Variants in PPM1H observed in about 807,000 individuals in gnomAD.
The protein encoded by PPM1H is protein phosphatase, Mg2+/Mn2+ dependent 1H.
A neutral mutation model predicts 54.9 loss-of-function variants in PPM1H; 27 were observed. The ratio of observed to expected loss-of-function variants is 0.49; its 90% CI spans 0.36 to 0.68. PPM1H has a LOEUF of 0.68. Among genes scored for constraint, PPM1H ranks in the 30% least tolerant of loss-of-function variants. The pLI, the probability that PPM1H is intolerant of heterozygous loss-of-function variation, is 0.00. For synonymous variants in PPM1H, 305 were observed against 270.8 expected, an observed-to-expected ratio of 1.13 and a Z score of -1.24; for missense variants, 596 against 667.8, an observed-to-expected ratio of 0.89 and a Z score of 1.19.
intron 4 of PPM1H, among the ~76,000 whole-genome samples, chr12:62,744,810 T>A (rs237827): frequency 0.05 from 7,544 of 151,966 alleles, 646 homozygotes; most frequent in African/African-American, 0.17. Context: ...AGCCTAGGAG[T>A]CTCCACTGAG....
intron 1 of PPM1H, among the ~76,000 whole-genome samples, chr12:62,931,534 AG>A (rs1287291287): frequency 3.3e-5 from 5 of 152,194 alleles, no homozygotes; most frequent in African/African-American, 1.2e-4. Context: ...ATTATCTGAC[AG>A]GGTTAAAGGT....
At chr12:62,663,829 T>C (rs1028849244) in intron 9 of PPM1H, among the ~76,000 whole-genome samples, 89 of 152,138 alleles carry the variant, frequency 5.8e-4, no homozygotes, top group Non-Finnish European at 9.0e-4. Context: ...CCATCTCTAC[T>C]AAAAATACAA....
chr12:62,656,465 G>A (rs768372023), intron 9 of PPM1H, among the ~76,000 whole-genome samples: 25 of 152,146 alleles, frequency 1.6e-4, no homozygotes, highest in South Asian at 4.1e-4. Context: ...AGTCATCTAC[G>A]TCTTATAGTC....
chr12:62,743,230 G>A lies in PPM1H; in HGVS notation c.870-5644C>T, dbSNP rs1279840232. ...TAGCTGGGTGTGGTGGCAGGCGCCT[G>A]TAGTCACAGCTACTTGGGAGGCTGA... On this transcript the variant is annotated intron_variant, in intron 4 of 9. Coordinates refer to ENST00000228705, the MANE Select transcript of PPM1H (RefSeq NM_020700.2). Among the ~76,000 whole-genome samples, 6 of 152,104 alleles carry A rather than the reference G, an allele frequency of 3.9e-5. No homozygotes were observed. In the East Asian group the frequency reaches 5.8e-4, roughly 15 times the overall value.
chr12:62,710,393 A>G (rs1473935589), intron 6 of PPM1H, among the ~76,000 whole-genome samples: 2 of 151,374 alleles, frequency 1.3e-5, no homozygotes, highest in Non-Finnish European at 2.9e-5. Flanking sequence ...TTAGCCCAGC[A>G]TGTTGGTGCA....
chr12:62,811,365 T>C (rs1361161585), intron 2 of PPM1H, among the ~76,000 whole-genome samples: 1 of 152,176 alleles, frequency 6.6e-6, no homozygotes, highest in African/African-American at 2.4e-5. Flanking sequence ...TACTATTAAA[T>C]AGCCTGGAGG....
At chr12:62,744,899 T>C (rs1041040370) in intron 4 of PPM1H, among the ~76,000 whole-genome samples, 10 of 152,202 alleles carry the variant, frequency 6.6e-5, no homozygotes, top group African/African-American at 2.4e-4. Flanking sequence ...GTCCACAAAA[T>C]GGCAAAGCCT....
intron 8 of PPM1H, among the ~76,000 whole-genome samples, chr12:62,668,982 C>T (rs1380297884): frequency 6.6e-6 from 1 of 152,226 alleles, no homozygotes; most frequent in Non-Finnish European, 1.5e-5. Context: ...AAGCAGCCAC[C>T]AGGCGCCAGG....
chr12:62,762,230 G>A (rs551895982), intron 4 of PPM1H, among the ~76,000 whole-genome samples: 138 of 152,318 alleles, frequency 9.1e-4, no homozygotes, highest in Non-Finnish European at 1.5e-3. Context: ...AGACCCTGTG[G>A]TGACCACACC....
At chr12:62,892,024 C>T (rs1003940372) in intron 1 of PPM1H, among the ~76,000 whole-genome samples, 2 of 152,200 alleles carry the variant, frequency 1.3e-5, no homozygotes, top group Non-Finnish European at 2.9e-5. Context: ...CTACAACTTT[C>T]AGCCACCACC....
chr12:62,833,717 G>A (rs1592624643), intron 1 of PPM1H, among the ~76,000 whole-genome samples: 2 of 152,164 alleles, frequency 1.3e-5, no homozygotes, highest in Non-Finnish European at 2.9e-5. Flanking sequence ...GAACTCTATG[G>A]AGGTGTTTCA....
At chr12:62,912,278 C>T (rs560882294) in intron 1 of PPM1H, among the ~76,000 whole-genome samples, 4 of 152,174 alleles carry the variant, frequency 2.6e-5, no homozygotes, top group Admixed American at 6.5e-5. Context: ...ACCTTCATTC[C>T]CCAAACAACC....
At chr12:62,715,719 G>C (rs3843664) in intron 6 of PPM1H, among the ~76,000 whole-genome samples, 1 of 152,150 alleles carries the variant, frequency 6.6e-6, no homozygotes, top group Non-Finnish European at 1.5e-5. Flanking sequence ...CCTCTAATGA[G>C]AGCAGGCAAT....
At chr12:62,655,646 G>A (rs1367848493) in intron 9 of PPM1H, among the ~76,000 whole-genome samples, 2 of 152,164 alleles carry the variant, frequency 1.3e-5, no homozygotes, top group Non-Finnish European at 2.9e-5. Context: ...AGAAGAATAT[G>A]GTACAGCTGG....
chr12:62,716,245 C>T (rs117288381), intron 6 of PPM1H, among the ~76,000 whole-genome samples: 21 of 152,294 alleles, frequency 1.4e-4, no homozygotes, highest in South Asian at 2.1e-4. Flanking sequence ...TCTGAAGTTA[C>T]GCTGCCTGGA....
intron 4 of PPM1H, among the ~76,000 whole-genome samples, chr12:62,765,584 G>C (rs1368406394): frequency 6.6e-6 from 1 of 152,220 alleles, no homozygotes; most frequent in East Asian, 1.9e-4. Flanking sequence ...ACAAAGATAA[G>C]ATTTGATTCC....
At position 62,908,809 on chromosome 12, in the gene PPM1H, T is replaced by C. The variant is rs958705583; in HGVS notation, c.245+25683A>G. ...TTACAAATTACTATGGACCACGTTT[T>C]CTCAACTCTAAGAAAAACATTTTCC... On this transcript the variant is annotated intron_variant, in intron 1 of 9. Transcript: ENST00000228705. Among the ~76,000 whole-genome samples the C allele has an allele frequency of 2.0e-5, 3 of 152,344 alleles. No individual in the cohort carries two copies. In the South Asian group the frequency reaches 6.2e-4, roughly 32 times the overall value.
chr12:62,829,373 T>G (rs553813617), intron 2 of PPM1H, among the ~76,000 whole-genome samples: 58 of 152,320 alleles, frequency 3.8e-4, no homozygotes, highest in Middle Eastern at 3.4e-3. Flanking sequence ...AGTTAGTGTT[T>G]AATGAATACA....
chr12:62,934,348 T>C lies in PPM1H; in HGVS notation c.245+144A>G. The C allele has an allele frequency of 8.4e-7, 1 of 1,197,384 alleles. No individual in the cohort carries two copies. The highest frequency in any genetic ancestry group is 1.1e-6 in the Non-Finnish European group (1 of 899,598). The allele number at this position is 1,197,384 out of a possible 1,614,324, so 74.2% of individuals were successfully genotyped here. A position where few individuals can be genotyped will look rare whatever the true frequency, so the allele number is the denominator to read the frequency against. ...GGGGAGAAGAGGGAAATGGCCAGTGTAAGTAAAGAGCTCCCCGCCGAGGCC... is the reference window on the plus strand; with the variant it reads ...GGGGAGAAGAGGGAAATGGCCAGTGCAAGTAAAGAGCTCCCCGCCGAGGCC... On this transcript the variant is annotated intron_variant, in intron 1 of 9. Coordinates refer to ENST00000228705, the MANE Select transcript of PPM1H (RefSeq NM_020700.2). This position sits in a 1 kb window ranked among gnomAD's most constrained non-coding sequence, Gnocchi z 4.2.
Sources: gnomAD v4.1 joint callset for allele counts (sites outside exome capture counted in the v4.1 genomes callset) on GRCh38, gnomAD v4.1.1 for gene constraint, Gnocchi (gnomAD v3.1) non-coding constraint, MANE v1.5 for transcripts, NCBI Gene and HGNC (gene_info 2026-07-23, HGNC 2026-07-21) for gene names.